Variants in LPIN1 observed in about 807,000 individuals in gnomAD.
The protein encoded by LPIN1 is phosphatidate phosphatase LPIN1.
LPIN1 carries 71 observed loss-of-function variants against 107.5 expected under a neutral mutation model. The observed-to-expected ratio is 0.66, with a 90% CI of 0.55 to 0.80. The LOEUF is 0.80. Ranked by LOEUF, LPIN1 falls within the 30% of genes least tolerant of loss-of-function variation. The pLI, the probability that LPIN1 is intolerant of heterozygous loss-of-function variation, is 0.00. For missense variants in LPIN1, 1,043 were observed against 1,160.6 expected, an observed-to-expected ratio of 0.90 and a Z score of 1.47; for synonymous variants, 445 against 452.6, an observed-to-expected ratio of 0.98 and a Z score of 0.21.
chr2:11,716,297 G>A (rs1234132757), intron 2 of LPIN1, among the ~76,000 whole-genome samples: 2 of 152,148 alleles, frequency 1.3e-5, no homozygotes, highest in African/African-American at 4.8e-5. Context: ...TCCGCAGAAG[G>A]TAGGTTCCTA....
Position 11,773,698 on chromosome 2 carries a change from G to A in LPIN1, c.675G>A (p.Gln225=), listed in dbSNP as rs982996147. Residue 225 remains glutamine (Q), a synonymous_variant, in exon 5 of 21, where the codon CAG becomes CAA. Transcript: ENST00000674199. The stretch of plus-strand genomic sequence containing the variant: ...TCTCCCTGGCTGTGATTTACCCTCA[G>A]TCAGCCTCATACCCTAATTCGGATA... ...ENLSLAVIYP[Q]SASYPNSDRE... is the part of the protein sequence containing the mutation. 9 of 1,613,558 alleles carry A rather than the reference G, an allele frequency of 5.6e-6. No homozygotes were observed. In the Admixed American group the frequency reaches 8.3e-5, roughly 15 times the overall value.
intron 1 of LPIN1, among the ~76,000 whole-genome samples, chr2:11,679,657 C>T (rs559992904): frequency 6.6e-6 from 1 of 152,348 alleles, no homozygotes; most frequent in South Asian, 2.1e-4. Flanking sequence ...GGATACTAAG[C>T]CCCAGGCTAA....
chr2:11,753,570 C>G (rs1668190941), intron 1 of LPIN1, among the ~76,000 whole-genome samples: 1 of 152,224 alleles, frequency 6.6e-6, no homozygotes, highest in African/African-American at 2.4e-5. Context: ...GTGCCAGTTA[C>G]AGCAGGGCGT....
intron 1 of LPIN1, among the ~76,000 whole-genome samples, chr2:11,679,858 C>T (rs1386800802): frequency 6.6e-6 from 1 of 152,226 alleles, no homozygotes; most frequent in African/African-American, 2.4e-5. Context: ...TCCTGCAAGG[C>T]TCTGCTTCTG....
intron 10 of LPIN1, among the ~76,000 whole-genome samples, chr2:11,785,301 C>G (rs1323457731): frequency 6.6e-6 from 1 of 152,214 alleles, no homozygotes; most frequent in Admixed American, 6.5e-5. Context: ...TTGTGTGTCT[C>G]CTGTGCCCCA....
chr2:11,724,251 A>G, upstream of LPIN1: 1 of 778,428 alleles, frequency 1.3e-6, no homozygotes, highest in Non-Finnish European at 1.6e-6. Flanking sequence ...TCCTCTGAAC[A>G]CCACCAAATG....
At chr2:11,797,670 C>T (rs1676968203) in intron 14 of LPIN1, among the ~76,000 whole-genome samples, 1 of 152,184 alleles carries the variant, frequency 6.6e-6, no homozygotes, top group Admixed American at 6.5e-5. Context: ...GTGTATTTAC[C>T]CAATGCCTGT....
At chr2:11,794,885 A>G (rs1676398613) in intron 13 of LPIN1, among the ~76,000 whole-genome samples, 1 of 152,222 alleles carries the variant, frequency 6.6e-6, no homozygotes, top group Non-Finnish European at 1.5e-5. Flanking sequence ...TAAGCAAGAG[A>G]AACAAGACTG....
chr2:11,736,478 A>G (rs1432661014), intron 1 of LPIN1, among the ~76,000 whole-genome samples: 2 of 152,184 alleles, frequency 1.3e-5, no homozygotes, highest in South Asian at 4.1e-4. Context: ...TCTTGCCCTC[A>G]TGAGCTCATC....
At chr2:11,729,092 G>A (rs543959224) in intron 1 of LPIN1, among the ~76,000 whole-genome samples, 1 of 152,102 alleles carries the variant, frequency 6.6e-6, no homozygotes, top group South Asian at 2.1e-4. Flanking sequence ...TGTCCAGATC[G>A]AACAATGAGA....
chr2:11,729,460 A>C (rs1401314268), intron 1 of LPIN1, among the ~76,000 whole-genome samples: 2 of 152,254 alleles, frequency 1.3e-5, no homozygotes, highest in South Asian at 2.1e-4. Context: ...GTTAACATAC[A>C]GAGCATTGCT....
At chr2:11,770,043 A>G (rs1480822156) in intron 3 of LPIN1, among the ~76,000 whole-genome samples, 1 of 152,134 alleles carries the variant, frequency 6.6e-6, no homozygotes, top group African/African-American at 2.4e-5. Flanking sequence ...CCTGCTCTTC[A>G]CTTCTCTTAG....
Position 11,805,156 on chromosome 2 carries a change from A to G in LPIN1, c.2249A>G (p.Gln750Arg), listed in dbSNP as rs1558275725. The change falls in exon 17 of 21, where the codon CAG becomes CGG. Residue 750 changes from glutamine (Q) to arginine (R), a missense_variant and splice_region_variant. Transcript: ENST00000674199. The stretch of plus-strand genomic sequence containing the variant: ...GCTAAGCTGTACCATAAAGTGAGCC[A>G]GTGAGTACAGAGTTCCTGTTTCCCG... Reference protein sequence around the residue: ...GIAKLYHKVSQNGYKFLYCSA... With the variant: ...GIAKLYHKVSRNGYKFLYCSA... The G allele has an allele frequency of 6.2e-7, 1 of 1,611,614 alleles. No individual in the cohort carries two copies. The highest frequency in any genetic ancestry group is 1.7e-5 in the Admixed American group (1 of 60,026).
chr2:11,780,197 A>G (rs749682522), intron 7 of LPIN1, among the ~76,000 whole-genome samples: 3 of 152,346 alleles, frequency 2.0e-5, no homozygotes, highest in East Asian at 1.9e-4. Context: ...TACATTTTCT[A>G]TCACAGCTAA....
At chr2:11,804,282 G>T in intron 15 of LPIN1, 141 bp from the exon 16 acceptor site, 2 of 893,552 alleles carry the variant, frequency 2.2e-6, no homozygotes, top group South Asian at 2.9e-5. Flanking sequence ...GAAGGGTGGG[G>T]AAAGAAAGAA....
chr2:11,793,505 G>A (rs564848766), intron 13 of LPIN1, among the ~76,000 whole-genome samples: 6 of 152,288 alleles, frequency 3.9e-5, no homozygotes, highest in East Asian at 3.9e-4. Context: ...TCCTTACCAC[G>A]GCCTACAGTG....
chr2:11,783,463 C>T (rs146930536), intron 8 of LPIN1, among the ~76,000 whole-genome samples: 155 of 152,274 alleles, frequency 1.0e-3, no homozygotes, highest in African/African-American at 3.6e-3. Context: ...TCTACGGTCA[C>T]GTTGTACTGC....
chr2:11,765,660 A>G lies in LPIN1; in HGVS notation c.119A>G (p.Asn40Ser), dbSNP rs149819112. 580 of 1,614,114 alleles carry G rather than the reference A, an allele frequency of 3.6e-4. 1 individual carries two copies. Among genetic ancestry groups the G allele is most frequent in the African/African-American group, 6.4e-4 (48 of 75,042 alleles). Residue 40 changes from asparagine to serine, a missense_variant, in exon 2 of 21, where the codon AAT (asparagine) becomes AGT (serine). Physicochemically the swap from Asn to Ser is conservative, Grantham distance 46. Coordinates refer to ENST00000674199, the MANE Select transcript of LPIN1 (RefSeq NM_001349206.2). This position sits in a 1 kb window ranked among gnomAD's most constrained non-coding sequence, Gnocchi z 4.4. ...CIDIIVIRQP[N>S]GNLQCSPFHV... is the part of the protein sequence containing the mutation. Reference sequence around the variant, plus strand: ...GACATCATTGTCATCCGCCAGCCCAATGGAAACCTCCAATGCTCCCCTTTC... The same window carrying G: ...GACATCATTGTCATCCGCCAGCCCAGTGGAAACCTCCAATGCTCCCCTTTC...
chr2:11,815,515 A>G (rs1248464581), intron 18 of LPIN1, among the ~76,000 whole-genome samples: 2 of 151,768 alleles, frequency 1.3e-5, no homozygotes, highest in African/African-American at 2.4e-5. Context: ...TCTCGTCTCT[A>G]CATCTCAGTC....
Sources: gnomAD v4.1 joint callset for allele counts (sites outside exome capture counted in the v4.1 genomes callset) on GRCh38, gnomAD v4.1.1 for gene constraint, Gnocchi (gnomAD v3.1) non-coding constraint, MANE v1.5 for transcripts, NCBI Gene and HGNC (gene_info 2026-07-23, HGNC 2026-07-21) for gene names.